The following GNAL variants were observed in gnomAD, a reference collection of about 807,000 sequenced individuals.
GNAL encodes the protein guanine nucleotide-binding protein G(olf) subunit alpha.
Under a neutral mutation model 55.1 loss-of-function variants are expected in GNAL, and 18 were observed. That is an observed-to-expected ratio of 0.33 (90% CI 0.23 to 0.48). The LOEUF is 0.48. Among genes scored for constraint, GNAL ranks in the 20% least tolerant of loss-of-function variants. GNAL has a pLI of 0.99. For synonymous variants in GNAL, 253 were observed against 237.0 expected, an observed-to-expected ratio of 1.07 and a Z score of -0.62; for missense variants, 412 against 614.1, an observed-to-expected ratio of 0.67 and a Z score of 3.48.
intron 11 of GNAL, among the ~76,000 whole-genome samples, chr18:11,879,850 C>G (rs1053150788): frequency 2.0e-5 from 3 of 152,218 alleles, no homozygotes; most frequent in Admixed American, 6.5e-5. Flanking sequence ...CAAACGTTCC[C>G]CCGATAACCA....
intron 5 of GNAL, chr18:11,851,937 C>T (rs756374964): frequency 9.3e-6 from 15 of 1,613,950 alleles, no homozygotes; most frequent in Non-Finnish European, 1.3e-5. Flanking sequence ...CGACGACGCT[C>T]ACCACTCCCC....
chr18:11,726,095 C>T (rs796848836), intron 1 of GNAL, among the ~76,000 whole-genome samples: 15 of 152,342 alleles, frequency 9.8e-5, no homozygotes, highest in African/African-American at 3.6e-4. Flanking sequence ...TGGGCTGTCT[C>T]TTCCATTGAT....
At chr18:11,862,592 T>G (rs1281905849) in intron 6 of GNAL, 143 bp downstream of exon 6, 2 of 658,580 alleles carry the variant, frequency 3.0e-6, no homozygotes, top group Non-Finnish European at 5.5e-6. Flanking sequence ...GCCCTGTGTG[T>G]GTGCGTGGAT....
intron 1 of GNAL, chr18:11,746,102 T>TC (rs1346983293): frequency 1.9e-6 from 1 of 521,500 alleles, no homozygotes; most frequent in African/African-American, 1.9e-5. Flanking sequence ...ACTCCACGAC[T>TC]CCCCTTTTAA....
intron 4 of GNAL, among the ~76,000 whole-genome samples, chr18:11,823,524 C>G (rs1428380900): frequency 6.6e-6 from 1 of 152,190 alleles, no homozygotes; most frequent in African/African-American, 2.4e-5. Flanking sequence ...AGGATTTATA[C>G]CTAATTTTGT....
In GNAL at chr18:11,769,699, C is replaced by G. The variant is rs115858979; in HGVS notation, c.624+15754C>G. 2.8e-3 allele frequency among the ~76,000 whole-genome samples: 423 copies of G among 152,276 alleles called. 3 individuals carry two copies. The highest frequency in any genetic ancestry group is 9.7e-3 in the African/African-American group (404 of 41,566). ...TATATATTTTTTATTTCATGAAGCA[C>G]GTAAGTTTATGGCAAAAAGATAAAC... On this transcript the variant is annotated intron_variant, in intron 4 of 11. Transcript: ENST00000334049.
chr18:11,808,124 G>A (rs1435642585), intron 4 of GNAL, among the ~76,000 whole-genome samples: 1 of 151,724 alleles, frequency 6.6e-6, no homozygotes, highest in African/African-American at 2.4e-5. Context: ...TGAGTGAATC[G>A]GTGAATGACA....
rs1598403851 is a variant in GNAL, at chr18:11,817,605, T to C, written c.625-7313T>C. ...GTTTTCGTGTAGTTTTCTTTTTGTT[T>C]GGTTGTGTTTTTTGAGACAGATTTC... On this transcript the variant is annotated intron_variant, in intron 4 of 11. Coordinates refer to ENST00000334049, the MANE Select transcript of GNAL (RefSeq NM_182978.4). 2.0e-5 allele frequency among the ~76,000 whole-genome samples: 3 copies of C among 152,186 alleles called. No individual in the cohort carries two copies. In the East Asian group the frequency reaches 5.8e-4, roughly 29 times the overall value.
chr18:11,787,043 C>G (rs2034082459), intron 4 of GNAL, among the ~76,000 whole-genome samples: 1 of 151,994 alleles, frequency 6.6e-6, no homozygotes, highest in South Asian at 2.1e-4. Context: ...AGTTTGAGAC[C>G]AGCCTGGGCA....
chr18:11,694,560 A>G (rs1048544094), intron 1 of GNAL, among the ~76,000 whole-genome samples: 2 of 152,196 alleles, frequency 1.3e-5, no homozygotes, highest in African/African-American at 4.8e-5. Context: ...GTTAGAAGGC[A>G]GTGGTCAAGA....
In GNAL at chr18:11,881,274, T is replaced by C. The variant is rs2036684741; in HGVS notation, c.*139T>C. Reference sequence around the variant, plus strand: ...CTGTGTCGACCACCAAGCCTCTGGCTACCTCTGTCCCCTCAGGTTTGGTTG... The same window carrying C: ...CTGTGTCGACCACCAAGCCTCTGGCCACCTCTGTCCCCTCAGGTTTGGTTG... On this transcript the variant is annotated 3_prime_UTR_variant, in exon 12 of 12. Coordinates refer to ENST00000334049, the MANE Select transcript of GNAL (RefSeq NM_182978.4). This position sits in a 1 kb window ranked among gnomAD's most constrained non-coding sequence, Gnocchi z 4.8. The C allele has an allele frequency of 6.2e-6, 5 of 805,058 alleles. No individual in the cohort carries two copies. The Admixed American group carries it at 8.3e-5, about 13-fold the overall frequency. 49.9% of individuals were successfully genotyped at this position (805,058 alleles called of 1,614,324 possible).
chr18:11,857,357 G>A (rs1418440821), intron 5 of GNAL: 2 of 356,990 alleles, frequency 5.6e-6, no homozygotes, highest in Non-Finnish European at 7.8e-6. Context: ...TTCAAAGGGG[G>A]AAAAAAAGCA....
chr18:11,758,379 G>A (rs1468888081), intron 4 of GNAL, among the ~76,000 whole-genome samples: 3 of 152,202 alleles, frequency 2.0e-5, no homozygotes, highest in Non-Finnish European at 2.9e-5. Context: ...ATAATGAACA[G>A]TGATGGATGA....
At chr18:11,782,230 T>C (rs2033940732) in intron 4 of GNAL, among the ~76,000 whole-genome samples, 1 of 151,990 alleles carries the variant, frequency 6.6e-6, no homozygotes, top group Non-Finnish European at 1.5e-5. Flanking sequence ...GGCAGGAGAA[T>C]CACTTGATCC....
chr18:11,728,986 A>C lies in GNAL; in HGVS notation c.377-23867A>C, dbSNP rs184266780. Among the ~76,000 whole-genome samples the C allele has an allele frequency of 2.3e-3, 353 of 152,310 alleles. 2 individuals are homozygous for C. The highest frequency in any genetic ancestry group is 1.5e-3 in the Non-Finnish European group (105 of 68,028). ...TGGGATGGACGAGTTAGTACTGGTT[A>C]GTAGATAAAGTCTCCAAGAAACATC... On this transcript the variant is annotated intron_variant, in intron 1 of 11. Transcript: ENST00000334049.
intron 1 of GNAL, among the ~76,000 whole-genome samples, chr18:11,709,331 A>T (rs1387878845): frequency 2.4e-4 from 3 of 12,626 alleles, no homozygotes; most frequent in African/African-American, 8.6e-4. Context: ...CTATTTTTGT[A>T]AAAAAAAAAA....
chr18:11,874,660 AAAG>A (rs997390220), intron 10 of GNAL, among the ~76,000 whole-genome samples: 9 of 147,352 alleles, frequency 6.1e-5, no homozygotes, highest in Admixed American at 4.8e-4. Flanking sequence ...AGAAAAAAAA[AAAG>A]AACTCCTCAG....
intron 4 of GNAL, among the ~76,000 whole-genome samples, chr18:11,773,932 A>G (rs767351306): frequency 1.3e-5 from 2 of 152,196 alleles, no homozygotes; most frequent in African/African-American, 2.4e-5. Flanking sequence ...CTTCCTGTCT[A>G]TGTAACCTTG....
At chr18:11,695,144 A>C (rs933451829) in intron 1 of GNAL, among the ~76,000 whole-genome samples, 2 of 152,198 alleles carry the variant, frequency 1.3e-5, no homozygotes, top group Non-Finnish European at 2.9e-5. Context: ...TGCCCTGTCT[A>C]AAAGGGACAG....
Sources: allele counts gnomAD v4.1 joint callset (sites outside exome capture counted in the v4.1 genomes callset), GRCh38; gene constraint gnomAD v4.1.1; non-coding constraint Gnocchi (gnomAD v3.1); transcripts MANE v1.5; gene names NCBI Gene and HGNC (gene_info 2026-07-23, HGNC 2026-07-21).